GPHN: variants seen among roughly 807,000 people sequenced by gnomAD.
The protein encoded by GPHN is gephyrin.
Under a neutral mutation model 95.5 loss-of-function variants are expected in GPHN, and 17 were observed. The ratio of observed to expected loss-of-function variants is 0.18; its 90% CI spans 0.12 to 0.27. The LOEUF (loss-of-function observed/expected upper bound fraction) is 0.27. Ranked by LOEUF, GPHN falls within the 10% of genes least tolerant of loss-of-function variation. The probability of loss-of-function intolerance (pLI) is 1.00; values close to 1 mark genes in which losing one functional copy is unlikely to be tolerated. For synonymous variants in GPHN, 320 were observed against 322.5 expected, an observed-to-expected ratio of 0.99 and a Z score of 0.08; for missense variants, 660 against 978.1, an observed-to-expected ratio of 0.67 and a Z score of 4.34.
At chr14:67,081,016 G>T (rs2076674785) in intron 11 of GPHN, among the ~76,000 whole-genome samples, 1 of 152,128 alleles carries the variant, frequency 6.6e-6, no homozygotes, top group Admixed American at 6.6e-5. Flanking sequence ...TGGATTGGTG[G>T]GCATTTGGGC....
At chr14:67,362,179 C>T in the GPHN span, among the ~76,000 whole-genome samples, 2 of 151,798 alleles carry the variant, frequency 1.3e-5, no homozygotes, top group Non-Finnish European at 2.9e-5. Flanking sequence ...GCCACCACAC[C>T]CAGCTAATTT....
At chr14:67,040,496 A>G (rs774220591) in intron 10 of GPHN, among the ~76,000 whole-genome samples, 1 of 152,194 alleles carries the variant, frequency 6.6e-6, no homozygotes, top group Non-Finnish European at 1.5e-5. Context: ...ATGTAATCTT[A>G]TTCAAATTAC....
chr14:67,047,360 G>GTGTGTGTGTGTT (rs1277372679), intron 10 of GPHN, among the ~76,000 whole-genome samples: 27 of 133,586 alleles, frequency 2.0e-4, no homozygotes, highest in African/African-American at 7.2e-4. Flanking sequence ...GTGTGTGTGT[G>GTGTGTGTGTGTT]TGTTTGTTTT....
At chr14:66,679,197 A>G (rs2066796643) in intron 1 of GPHN, among the ~76,000 whole-genome samples, 1 of 152,244 alleles carries the variant, frequency 6.6e-6, no homozygotes, top group African/African-American at 2.4e-5. Context: ...CTTCATTTTT[A>G]GATGGATATT....
rs145879650 is a variant in GPHN, at chr14:66,623,922, A to G, written c.65-57185A>G. ...CCGTAATATTTCACCTCCTTGAGCG[A>G]GGTTGCTTTCCAAATATCAGAAGCT... On this transcript the variant is annotated intron_variant, in intron 1 of 22. Transcript: ENST00000478722. Among the ~76,000 whole-genome samples, 3 of 152,234 alleles carry G rather than the reference A, an allele frequency of 2.0e-5. No individual in the cohort carries two copies. In the East Asian group the frequency reaches 5.8e-4, roughly 29 times the overall value.
the GPHN span, chr14:67,575,657 C>G: frequency 1.4e-6 from 1 of 702,742 alleles, no homozygotes. Context: ...TCCAAGCAAG[C>G]CTCATTCTGC....
intron 1 of GPHN, among the ~76,000 whole-genome samples, chr14:66,552,379 AT>A (rs1303250468): frequency 6.6e-6 from 1 of 152,324 alleles, no homozygotes; most frequent in Non-Finnish European, 1.5e-5. Context: ...TTTAAATCAC[AT>A]TTTAAACTTT....
chr14:67,365,502 T>C, the GPHN span, among the ~76,000 whole-genome samples: 2 of 152,218 alleles, frequency 1.3e-5, no homozygotes, highest in African/African-American at 4.8e-5. Context: ...ACATTGTATA[T>C]CTTGCTGGTA....
At chr14:67,464,738 ACAC>A in the GPHN span, among the ~76,000 whole-genome samples, 1 of 152,136 alleles carries the variant, frequency 6.6e-6, no homozygotes, top group Non-Finnish European at 1.5e-5. Flanking sequence ...ATTCATTTGC[ACAC>A]CACCCTGTTT....
At chr14:67,511,712 C>A in the GPHN span, among the ~76,000 whole-genome samples, 1 of 152,100 alleles carries the variant, frequency 6.6e-6, no homozygotes, top group Admixed American at 6.6e-5. Flanking sequence ...GAGCAGGGGG[C>A]CAGCATCACT....
chr14:66,674,256 T>G (rs1380727570), intron 1 of GPHN, among the ~76,000 whole-genome samples: 1 of 151,678 alleles, frequency 6.6e-6, no homozygotes, highest in African/African-American at 2.4e-5. Context: ...CCACCACCAC[T>G]CCTGGCTAAT....
At chr14:67,263,720 A>G in the GPHN span, among the ~76,000 whole-genome samples, 15 of 152,204 alleles carry the variant, frequency 9.9e-5, no homozygotes, top group Non-Finnish European at 1.8e-4. Context: ...ACTGATGATA[A>G]CTTTGAGGAG....
chr14:67,269,742 A>C, the GPHN span: 1 of 152,600 alleles, frequency 6.6e-6, no homozygotes, highest in Non-Finnish European at 1.5e-5. Context: ...GGAGAAGAGA[A>C]ACTAAAAGGA....
chr14:67,209,536 T>A, the GPHN span, among the ~76,000 whole-genome samples: 1 of 152,074 alleles, frequency 6.6e-6, no homozygotes, highest in East Asian at 1.9e-4. Flanking sequence ...AAAAGCATAA[T>A]AGGCCGGGTG....
chr14:67,457,321 T>C, the GPHN span, among the ~76,000 whole-genome samples: 3 of 152,194 alleles, frequency 2.0e-5, no homozygotes, highest in African/African-American at 7.2e-5. Flanking sequence ...CAGCAGGGCA[T>C]GCTGGCTCAC....
intron 5 of GPHN, among the ~76,000 whole-genome samples, chr14:66,906,242 A>G (rs946263318): frequency 2.0e-5 from 3 of 152,244 alleles, no homozygotes; most frequent in African/African-American, 7.2e-5. Flanking sequence ...GGCTGAGTTT[A>G]TGAGCAGAGT....
chr14:67,210,186 A>G, the GPHN span, among the ~76,000 whole-genome samples: 1 of 152,258 alleles, frequency 6.6e-6, no homozygotes, highest in Non-Finnish European at 1.5e-5. Flanking sequence ...AAAACCTGTA[A>G]GTAATCCAAA....
At chr14:67,198,183 A>G in the GPHN span, 1 of 1,613,094 alleles carries the variant, frequency 6.2e-7, no homozygotes, top group Non-Finnish European at 8.5e-7. Context: ...CACCAGCAAG[A>G]CTACCATGAG....
intron 2 of GPHN, among the ~76,000 whole-genome samples, chr14:66,705,149 G>A (rs2068950053): frequency 6.6e-6 from 1 of 152,206 alleles, no homozygotes; most frequent in Admixed American, 6.5e-5. Flanking sequence ...CCAATAACAA[G>A]TTCTGAAATT....
Sources: gnomAD v4.1 joint callset for allele counts (sites outside exome capture counted in the v4.1 genomes callset) on GRCh38, gnomAD v4.1.1 for gene constraint, MANE v1.5 for transcripts, NCBI Gene and HGNC (gene_info 2026-07-23, HGNC 2026-07-21) for gene names.